The following ACTN3 variants were observed in gnomAD, a reference collection of about 807,000 sequenced individuals.
ACTN3 encodes the protein alpha-actinin-3.
ACTN3 carries 91 observed loss-of-function variants against 119.6 expected under a neutral mutation model. The ratio of observed to expected loss-of-function variants is 0.76; its 90% CI spans 0.64 to 0.91. The LOEUF (loss-of-function observed/expected upper bound fraction) is 0.91, where lower values mean the gene tolerates loss of function less well. Ranked by LOEUF, ACTN3 falls within the 40% of genes least tolerant of loss-of-function variation. The pLI is 0.00. For missense variants in ACTN3, 1,221 were observed against 1,215.1 expected (o/e 1.00, Z -0.07); for synonymous variants, 456 against 478.8 (o/e 0.95, Z 0.62).
chr11:66,559,179 C>T lies in ACTN3; in HGVS notation c.1277-57C>T, dbSNP rs1050810292. The T allele has an allele frequency of 8.5e-6, 12 of 1,416,506 alleles. No homozygotes were observed. The East Asian group carries it at 2.5e-4, about 29-fold the overall frequency. The allele number at this position is 1,416,506 out of a possible 1,614,324, so 87.7% of individuals were successfully genotyped here. A position where few individuals can be genotyped will look rare whatever the true frequency, so the allele number is the denominator to read the frequency against. Reference sequence around the variant, plus strand: ...GAGGCTTCATGGTCACGCAGCCCGCCGCGCACCCCTGCCCCTGCCGCCACT... The same window carrying T: ...GAGGCTTCATGGTCACGCAGCCCGCTGCGCACCCCTGCCCCTGCCGCCACT... On this transcript the variant is annotated intron_variant, in intron 11 of 20. Transcript: ENST00000513398.
intron 3 of ACTN3, among the ~76,000 whole-genome samples, chr11:66,553,012 T>C (rs1279619637): frequency 1.2e-4 from 18 of 152,082 alleles, no homozygotes; most frequent in African/African-American, 3.6e-4. Context: ...ACCCCAGCAC[T>C]TTGGGAGGCC....
intron 10 of ACTN3, 21 bp from the exon 11 acceptor site, chr11:66,558,006 G>C (rs755313170): frequency 6.2e-7 from 1 of 1,613,302 alleles, no homozygotes; most frequent in African/African-American, 1.3e-5. Flanking sequence ...GTGATGGAGC[G>C]CACCCCTGCC....
intron 19 of ACTN3, 129 bp downstream of exon 19, chr11:66,562,451 G>A: frequency 4.4e-6 from 5 of 1,148,338 alleles, no homozygotes; most frequent in Non-Finnish European, 5.1e-6. Flanking sequence ...ACAGGGGCTA[G>A]CAAGGCTCAG....
Position 66,558,059 on chromosome 11 carries a change from G to A in ACTN3, c.1161G>A (p.Gln387=). ...CCAACGCCTGGCGGGGGCTGGAGCA[G>A]GTGGAAAAGGGCTATGAGGACTGGC... ...DIANAWRGLE[Q]VEKGYEDWLL... Residue 387 remains glutamine (Q), a synonymous_variant, in exon 11 of 21, where the codon CAG becomes CAA. Transcript: ENST00000513398. 6.2e-7 allele frequency: 1 copy of A among 1,613,924 alleles called. No homozygotes were observed. Among genetic ancestry groups the A allele is most frequent in the Non-Finnish European group, 8.5e-7 (1 of 1,179,878 alleles).
At chr11:66,553,956 A>C in intron 3 of ACTN3, 89 bp from the exon 4 acceptor site, 1 of 1,072,360 alleles carries the variant, frequency 9.3e-7, no homozygotes, top group Non-Finnish European at 1.4e-6. Context: ...CAAGGGCCAG[A>C]GGGCTGATCA....
At chr11:66,559,076 C>G (rs1857670405) in intron 11 of ACTN3, 160 bp from the exon 12 acceptor site, 2 of 681,928 alleles carry the variant, frequency 2.9e-6, no homozygotes, top group African/African-American at 1.9e-5. Context: ...AGAGGACTTT[C>G]ACCTACGTTA....
At chr11:66,552,973 C>T (rs1276822317) in intron 3 of ACTN3, among the ~76,000 whole-genome samples, 1 of 151,410 alleles carries the variant, frequency 6.6e-6, no homozygotes, top group Non-Finnish European at 1.5e-5. Context: ...AAAATAGATG[C>T]GGGCCAGGGG....
Position 66,554,519 on chromosome 11 carries a change from A to C in ACTN3, c.470-17A>C. The C allele has an allele frequency of 6.3e-7, 1 of 1,587,568 alleles. No individual in the cohort carries two copies. The highest frequency in any genetic ancestry group is 1.1e-5 in the South Asian group (1 of 88,142). The stretch of plus-strand genomic sequence containing the variant: ...GGACCCCTTCCCAATGAATCCTCCC[A>C]CCTCCCCCCGACCCAGAAACCTCAG... On this transcript the variant is annotated splice_polypyrimidine_tract_variant and intron_variant, in intron 4 of 20. Transcript: ENST00000513398.
In ACTN3 at chr11:66,563,024, C is replaced by T; in HGVS notation, c.2548-11C>T. 1 of 1,609,536 alleles carries T rather than the reference C, an allele frequency of 6.2e-7. No individual in the cohort carries two copies. The highest frequency in any genetic ancestry group is 8.5e-7 in the Non-Finnish European group (1 of 1,177,172). ...CGGGACCTGTGGGTCCTCAACGCCTCTTCTCCCCAGAACTACATCACCCCC... is the reference window on the plus strand; with the variant it reads ...CGGGACCTGTGGGTCCTCAACGCCTTTTCTCCCCAGAACTACATCACCCCC... On this transcript the variant is annotated splice_polypyrimidine_tract_variant and intron_variant, in intron 20 of 20. Coordinates refer to ENST00000513398, the MANE Select transcript of ACTN3 (RefSeq NM_001104.4).
chr11:66,546,958 C>T lies in ACTN3; in HGVS notation c.21C>T (p.Pro7=), dbSNP rs1242913473. Residue 7 remains proline, a synonymous_variant, in exon 1 of 21, where the codon CCC becomes CCT. Transcript: ENST00000513398. MMMVMQ[P]EGLGAGEGRF... Reference sequence around the variant, plus strand: ...TCGAGATGATGATGGTTATGCAGCCCGAGGGTCTGGGGGCCGGGGAGGGGC... The same window carrying T: ...TCGAGATGATGATGGTTATGCAGCCTGAGGGTCTGGGGGCCGGGGAGGGGC... 2.0e-6 allele frequency: 3 copies of T among 1,533,362 alleles called. No homozygotes were observed. The highest frequency in any genetic ancestry group is 2.3e-5 in the East Asian group (1 of 43,920). 95.0% of individuals were successfully genotyped at this position (1,533,362 alleles called of 1,614,324 possible). A position where few individuals can be genotyped will look rare whatever the true frequency, so the allele number is the denominator to read the frequency against.
At position 66,546,995 on chromosome 11, in the gene ACTN3, G is replaced by GGC. The variant is rs962481326; in HGVS notation, c.60_61dup (p.Gly21AlafsTer115). 1 of 1,519,666 alleles carries GGC rather than the reference G, an allele frequency of 6.6e-7. No individual in the cohort carries two copies. Among genetic ancestry groups the GGC allele is most frequent in the African/African-American group, 1.4e-5 (1 of 71,758 alleles). The allele number at this position is 1,519,666 out of a possible 1,614,324, so 94.1% of individuals were successfully genotyped here. A position where few individuals can be genotyped will look rare whatever the true frequency, so the allele number is the denominator to read the frequency against. On this transcript the variant is annotated frameshift_variant, in exon 1 of 21. Transcript: ENST00000513398. LOFTEE classifies it high-confidence loss of function. ...GGCCGGGGAGGGGCGCTTTGCGGGC[G>GGC]GCGGCGGGGGCGGCGAGTACATGGA...
intron 11 of ACTN3, 95 bp downstream of exon 11, chr11:66,558,269 C>CA: frequency 6.5e-7 from 1 of 1,529,776 alleles, no homozygotes; most frequent in Non-Finnish European, 8.8e-7. Flanking sequence ...ATGCACAGGA[C>CA]AAGGGTAGGT....
In ACTN3 at chr11:66,558,255, C is replaced by A. The variant is rs578253949; in HGVS notation, c.1276+81C>A. ...CAGGGGCAGGAGGGGAGGTTCTTGG[C>A]AAAATGCACAGGACAAGGGTAGGTG... On this transcript the variant is annotated intron_variant, in intron 11 of 20. Coordinates refer to ENST00000513398, the MANE Select transcript of ACTN3 (RefSeq NM_001104.4). 8.8e-5 allele frequency: 138 copies of A among 1,564,548 alleles called. 1 individual carries two copies. The African/African-American group carries it at 1.8e-3, about 21-fold the overall frequency.
chr11:66,551,168 G>A (rs765755294), intron 1 of ACTN3, 71 bp from the exon 2 acceptor site: 7 of 1,119,908 alleles, frequency 6.3e-6, no homozygotes, highest in African/African-American at 3.1e-5. Flanking sequence ...TACCCTGACT[G>A]AGGAGACAGG....
Position 66,559,369 on chromosome 11 carries a change from G to A in ACTN3, c.1410G>A (p.Ala470=), listed in dbSNP as rs114371258. The change falls in exon 12 of 21, where the codon GCG becomes GCA. Residue 470 remains alanine (A), a synonymous_variant. Transcript: ENST00000513398. The part of the protein sequence containing the change: ...AHQDRVEHIA[A]LAQELNELDY... ...AGGACCGCGTGGAGCACATTGCCGC[G>A]CTGGCCCAGGAGCTCAAGTAGGCGG... The A allele has an allele frequency of 1.2e-3, 1,791 of 1,548,950 alleles. 26 individuals carry two copies. In the African/African-American group the frequency reaches 0.021, roughly 18 times the overall value.
At chr11:66,555,037 T>A (rs1730457291) in intron 5 of ACTN3, 93 bp from the exon 6 acceptor site, 1 of 1,128,618 alleles carries the variant, frequency 8.9e-7, no homozygotes, top group South Asian at 1.3e-5. Context: ...ATTTTACAGA[T>A]GAGGCTGTCC....
intron 8 of ACTN3, among the ~76,000 whole-genome samples, chr11:66,556,525 T>C (rs1857594317): frequency 6.6e-6 from 1 of 151,932 alleles, no homozygotes; most frequent in African/African-American, 2.4e-5. Context: ...TCACGGCTCA[T>C]TGCTGCCTTG....
In ACTN3 at chr11:66,560,239, C is replaced by G; in HGVS notation, c.1605C>G (p.Phe535Leu). Residue 535 changes from phenylalanine (F) to leucine (L), a missense_variant, in exon 14 of 21, where the codon TTC (phenylalanine) becomes TTG (leucine). Transcript: ENST00000513398. ...AGTTTGCCCGGCGGGCCGCGCCCTTCAACAACTGGCTGGATGGTGCCGTGG... is the reference window on the plus strand; with the variant it reads ...AGTTTGCCCGGCGGGCCGCGCCCTTGAACAACTGGCTGGATGGTGCCGTGG... ...QLEFARRAAP[F>L]NNWLDGAVED... The G allele has an allele frequency of 6.2e-7, 1 of 1,613,098 alleles. No homozygotes were observed. The highest frequency in any genetic ancestry group is 8.5e-7 in the Non-Finnish European group (1 of 1,179,540).
chr11:66,552,391 G>C (rs1590804817), intron 3 of ACTN3, among the ~76,000 whole-genome samples: 1 of 151,376 alleles, frequency 6.6e-6, no homozygotes, highest in South Asian at 2.1e-4. Context: ...AGAAAGAAAA[G>C]CCAATATACC....
Sources: gnomAD v4.1 joint callset for allele counts (sites outside exome capture counted in the v4.1 genomes callset) on GRCh38, gnomAD v4.1.1 for gene constraint, MANE v1.5 for transcripts, NCBI Gene and HGNC (gene_info 2026-07-23, HGNC 2026-07-21) for gene names.